ZNF106: variants seen among roughly 807,000 people sequenced by gnomAD.
ZNF106 encodes the protein SH3-domain binding protein 3.
Under a neutral mutation model 195.1 loss-of-function variants are expected in ZNF106, and 67 were observed. The observed-to-expected ratio is 0.34, with a 90% confidence interval of 0.28 to 0.42. ZNF106 has a LOEUF of 0.42. Ranked by LOEUF, ZNF106 falls within the 10% of genes least tolerant of loss-of-function variation. The probability of loss-of-function intolerance (pLI) is 1.00; values close to 1 mark genes in which losing one functional copy is unlikely to be tolerated. For missense variants in ZNF106, 2,118 were observed against 2,304.5 expected, an observed-to-expected ratio of 0.92 and a Z score of 1.66; for synonymous variants, 784 against 818.6, an observed-to-expected ratio of 0.96 and a Z score of 0.72.
chr15:42,437,290 A>C lies in ZNF106; in HGVS notation c.4688T>G (p.Phe1563Cys). Residue 1563 changes from phenylalanine to cysteine, a missense_variant, in exon 13 of 22, where the codon TTT becomes TGT. Transcript: ENST00000564754. Reference protein sequence around the residue: ...HQAAVNAIQIFGNLLYTCSAD... With the variant: ...HQAAVNAIQICGNLLYTCSAD... The stretch of plus-strand genomic sequence containing the variant: ...TGAACAGGTATATAGCAAGTTCCCA[A>C]ATATCTGAATTGCATTTACGGCAGC... The C allele has an allele frequency of 6.2e-7, 1 of 1,614,162 alleles. No individual in the cohort carries two copies. Among genetic ancestry groups the C allele is most frequent in the East Asian group, 2.2e-5 (1 of 44,876 alleles).
At chr15:42,465,991 G>A in intron 3 of ZNF106, 62 bp downstream of exon 3, 2 of 1,325,980 alleles carry the variant, frequency 1.5e-6, no homozygotes, top group Non-Finnish European at 1.0e-6. Flanking sequence ...AAACTGACAG[G>A]CACCATCATC....
Position 42,439,236 on chromosome 15 carries a change from T to G in ZNF106, c.4341A>C (p.Glu1447Asp), listed in dbSNP as rs1228760967. The change falls in exon 11 of 22, where the codon GAA becomes GAC. Residue 1447 changes from glutamate to aspartate, a missense_variant. Transcript: ENST00000564754. ...ACTGAGGATTAGGAATTTCTAGGAC[T>G]TCCAGAGACGAGTCACTATCTGGCT... ...RDEPDSDSSLEVLEIPNPQLE... is the reference protein window; with the variant it reads ...RDEPDSDSSLDVLEIPNPQLE... 1 of 1,614,216 alleles carries G rather than the reference T, an allele frequency of 6.2e-7. No individual in the cohort carries two copies. The highest frequency in any genetic ancestry group is 8.5e-7 in the Non-Finnish European group (1 of 1,180,032).
chr15:42,472,176 A>G lies in ZNF106; in HGVS notation c.54+60T>C. 2.1e-6 allele frequency: 3 copies of G among 1,459,504 alleles called. No individual in the cohort carries two copies. In the South Asian group the frequency reaches 3.8e-5, roughly 19 times the overall value. The allele number at this position is 1,459,504 out of a possible 1,614,324, so 90.4% of individuals were successfully genotyped here. ...CTATTAATATTAATAACATCTATTA[A>G]TAACATGTCTCTTTAAAAAATAGTC... is the stretch of plus-strand genomic sequence containing the variant. On this transcript the variant is annotated intron_variant, in intron 2 of 21. Coordinates refer to ENST00000564754, the MANE Select transcript of ZNF106 (RefSeq NM_001366845.3).
intron 20 of ZNF106, among the ~76,000 whole-genome samples, chr15:42,418,190 G>A (rs540535030): frequency 6.6e-6 from 1 of 152,140 alleles, no homozygotes; most frequent in African/African-American, 2.4e-5. Flanking sequence ...CACTAACGTA[G>A]CAATTACAAC....
At chr15:42,437,955 AATCTCTCCCACACTTCCAAAAAG>A (rs2055349779) in intron 12 of ZNF106, among the ~76,000 whole-genome samples, 1 of 151,968 alleles carries the variant, frequency 6.6e-6, no homozygotes, top group Non-Finnish European at 1.5e-5. Flanking sequence ...GAAGGTATCC[AATCTCTCCCACACTTCCAAAAAG>A]TTATTTCTTT....
intron 17 of ZNF106, among the ~76,000 whole-genome samples, chr15:42,423,299 G>A (rs2054735234): frequency 6.6e-6 from 1 of 151,954 alleles, no homozygotes; most frequent in Non-Finnish European, 1.5e-5. Context: ...GAGCCTAGGA[G>A]GTTGAGGCTG....
chr15:42,413,940 G>A lies in ZNF106; in HGVS notation c.*3364C>T, dbSNP rs1304759355. 2 of 152,302 alleles carry A rather than the reference G, an allele frequency of 1.3e-5. No homozygotes were observed. The highest frequency in any genetic ancestry group is 3.9e-4 in the East Asian group (2 of 5,190). The allele number at this position is 152,302 out of a possible 1,614,324, so 9.4% of individuals were successfully genotyped here. On this transcript the variant is annotated 3_prime_UTR_variant, in exon 22 of 22. Transcript: ENST00000564754. ...TTTAACCTAATTAAAAACTTTCACAGAAAACTTGAAGTGACTGATACTTTA... is the reference window on the plus strand; with the variant it reads ...TTTAACCTAATTAAAAACTTTCACAAAAAACTTGAAGTGACTGATACTTTA...
chr15:42,421,144 G>C lies in ZNF106; in HGVS notation c.5446-12C>G. ...CAGCCAGTGTAAATCTGGAGAAAGA[G>C]AGGTTTATAATATCAGACCAAAATA... On this transcript the variant is annotated splice_polypyrimidine_tract_variant and intron_variant, in intron 19 of 21. Transcript: ENST00000564754. The C allele has an allele frequency of 2.5e-6, 4 of 1,613,800 alleles. No homozygotes were observed. The highest frequency in any genetic ancestry group is 2.2e-5 in the East Asian group (1 of 44,874).
chr15:42,433,838 T>C (rs1163796727), intron 14 of ZNF106, among the ~76,000 whole-genome samples: 3 of 152,028 alleles, frequency 2.0e-5, no homozygotes, highest in Non-Finnish European at 4.4e-5. Flanking sequence ...ATTCTTTTTG[T>C]TTGTTTTGGT....
At chr15:42,459,288 C>G (rs2056327138) in intron 3 of ZNF106, among the ~76,000 whole-genome samples, 2 of 151,972 alleles carry the variant, frequency 1.3e-5, no homozygotes, top group South Asian at 4.2e-4. Context: ...CCACCCGGGC[C>G]AAACTGGTAA....
chr15:42,418,403 G>A (rs2054532195), intron 20 of ZNF106, among the ~76,000 whole-genome samples: 1 of 143,190 alleles, frequency 7.0e-6, no homozygotes, highest in East Asian at 2.1e-4. Flanking sequence ...CTGTTGCCCA[G>A]GCTGGAGTGC....
At chr15:42,462,997 C>T (rs1422081206) in intron 3 of ZNF106, among the ~76,000 whole-genome samples, 2 of 151,318 alleles carry the variant, frequency 1.3e-5, no homozygotes, top group African/African-American at 4.9e-5. Context: ...AGGGGTCCCA[C>T]TATGTTGCCC....
At chr15:42,474,735 G>A (rs1490795158) in intron 1 of ZNF106, among the ~76,000 whole-genome samples, 1 of 152,102 alleles carries the variant, frequency 6.6e-6, no homozygotes, top group Admixed American at 6.6e-5. Context: ...CTGGGTAAGA[G>A]TAAGGCTCTC....
At position 42,442,344 on chromosome 15, in the gene ZNF106, T is replaced by TCTA; in HGVS notation, c.3489_3491dup (p.Ser1163dup). On this transcript the variant is annotated inframe_insertion, in exon 10 of 22. Coordinates refer to ENST00000564754, the MANE Select transcript of ZNF106 (RefSeq NM_001366845.3). ...GTGCGGCATCAATGGATGTTTGAGATCTACTGTTCCTTCGTTCTCGTGTGA... is the reference window on the plus strand; with the variant it reads ...GTGCGGCATCAATGGATGTTTGAGATCTACTACTGTTCCTTCGTTCTCGTGTGA... 6.2e-7 allele frequency: 1 copy of TCTA among 1,614,176 alleles called. No individual in the cohort carries two copies. Among genetic ancestry groups the TCTA allele is most frequent in the Non-Finnish European group, 8.5e-7 (1 of 1,180,034 alleles).
In ZNF106 at chr15:42,415,739, G is replaced by GTTT. The variant is rs577185237; in HGVS notation, c.*1562_*1564dup. The GTTT allele has an allele frequency of 4.4e-4, 66 of 149,972 alleles. No homozygotes were observed. Among genetic ancestry groups the GTTT allele is most frequent in the East Asian group, 8.0e-4 (4 of 4,978 alleles). The allele number at this position is 149,972 out of a possible 1,614,324, so 9.3% of individuals were successfully genotyped here. On this transcript the variant is annotated 3_prime_UTR_variant, in exon 22 of 22. Coordinates refer to ENST00000564754, the MANE Select transcript of ZNF106 (RefSeq NM_001366845.3). The stretch of plus-strand genomic sequence containing the variant: ...AATTTTATCTCTCTGAAGAAGCTGA[G>GTTT]TTTTTTTTTTTTTTTTTGAGACGGA...
At chr15:42,471,876 A>T (rs1182262062) in intron 2 of ZNF106, among the ~76,000 whole-genome samples, 2 of 152,268 alleles carry the variant, frequency 1.3e-5, no homozygotes, top group African/African-American at 4.8e-5. Context: ...ATCCTTAGCT[A>T]ATCAAAAAGT....
At chr15:42,461,803 G>A (rs1432685404) in intron 3 of ZNF106, among the ~76,000 whole-genome samples, 1 of 152,118 alleles carries the variant, frequency 6.6e-6, no homozygotes, top group Non-Finnish European at 1.5e-5. Flanking sequence ...GAAATCCAGA[G>A]GAAATAATCA....
intron 6 of ZNF106, among the ~76,000 whole-genome samples, chr15:42,447,357 A>G (rs777188626): frequency 9.9e-5 from 15 of 151,946 alleles, no homozygotes; most frequent in Non-Finnish European, 1.8e-4. Context: ...TCTAATATAA[A>G]TTTTAAAATA....
At position 42,450,765 on chromosome 15, in the gene ZNF106, A is replaced by C. The variant is rs771360295; in HGVS notation, c.1507T>G (p.Phe503Val). The C allele has an allele frequency of 1.2e-6, 2 of 1,614,104 alleles. No individual in the cohort carries two copies. The highest frequency in any genetic ancestry group is 3.3e-5 in the Admixed American group (2 of 60,002). The change falls in exon 5 of 22, where the codon TTT becomes GTT. Residue 503 changes from phenylalanine to valine, a missense_variant. Transcript: ENST00000564754. ...KNISKNTKTNFFSPGEHSNPS... is the reference protein window; with the variant it reads ...KNISKNTKTNVFSPGEHSNPS... ...TTTGAGTGTTCTCCAGGGGAAAAAA[A>C]ATTTGTTTTGGTGTTTTTTGAGATA...
Sources: gnomAD v4.1 joint callset for allele counts (sites outside exome capture counted in the v4.1 genomes callset) on GRCh38, gnomAD v4.1.1 for gene constraint, MANE v1.5 for transcripts, NCBI Gene and HGNC (gene_info 2026-07-23, HGNC 2026-07-21) for gene names.